NRG3: variants seen among roughly 807,000 people sequenced by gnomAD.
NRG3 encodes neuregulin 3.
In NRG3, 31 loss-of-function variants were observed where a neutral mutation model predicts 66.9. The ratio of observed to expected loss-of-function variants is 0.46; its 90% confidence interval spans 0.35 to 0.63. The LOEUF is 0.63. NRG3 is among the 20% of genes least tolerant of loss of function. The pLI is 0.00. For missense variants in NRG3, 910 were observed against 878.9 expected (o/e 1.04, Z -0.45); for synonymous variants, 393 against 359.4 (o/e 1.09, Z -1.06).
At chr10:82,372,322 A>AT (rs1425143880) in intron 2 of NRG3, among the ~76,000 whole-genome samples, 4 of 152,092 alleles carry the variant, frequency 2.6e-5, no homozygotes, top group Non-Finnish European at 5.9e-5. Context: ...TTTCTGGATT[A>AT]TTTTTTCTCT....
At chr10:82,310,057 T>C (rs1173422771) in intron 1 of NRG3, among the ~76,000 whole-genome samples, 1 of 152,152 alleles carries the variant, frequency 6.6e-6, no homozygotes, top group East Asian at 1.9e-4. Context: ...TCCTGGAAAA[T>C]TGCCGTCATT....
rs551227640 is a variant in NRG3 at position 82,733,387 on chromosome 10, T to G, written c.954-5190T>G. ...CCTTCCTAATACCATCTCATTTTTT[T>G]GGGGGGTTGAAACTGAGAAACAAAG... On this transcript the variant is annotated intron_variant, in intron 2 of 8. Transcript: ENST00000372141. Among the ~76,000 whole-genome samples the G allele has an allele frequency of 2.9e-3, 444 of 152,290 alleles. 1 individual carries two copies. The highest frequency in any genetic ancestry group is 7.2e-3 in the African/African-American group (300 of 41,558).
At chr10:82,642,189 A>G (rs2050628243) in intron 2 of NRG3, among the ~76,000 whole-genome samples, 2 of 152,106 alleles carry the variant, frequency 1.3e-5, no homozygotes, top group African/African-American at 2.4e-5. Context: ...ATCTATTTGC[A>G]TGGCTTCATG....
intron 1 of NRG3, among the ~76,000 whole-genome samples, chr10:81,926,212 G>C (rs978932011): frequency 6.6e-6 from 1 of 152,020 alleles, no homozygotes; most frequent in Non-Finnish European, 1.5e-5. Flanking sequence ...CTGCCTCCTG[G>C]GTTCAAGTGA....
At chr10:82,301,838 G>A (rs1438313049) in intron 1 of NRG3, among the ~76,000 whole-genome samples, 2 of 151,622 alleles carry the variant, frequency 1.3e-5, no homozygotes, top group African/African-American at 4.8e-5. Flanking sequence ...TTGGCCTGCT[G>A]TATTGTTGCC....
chr10:82,173,479 C>T (rs2072785976), intron 1 of NRG3, among the ~76,000 whole-genome samples: 1 of 152,020 alleles, frequency 6.6e-6, no homozygotes, highest in Non-Finnish European at 1.5e-5. Flanking sequence ...CATGCATACA[C>T]ACCTATTAAA....
intron 4 of NRG3, among the ~76,000 whole-genome samples, chr10:82,918,182 A>G (rs575185845): frequency 6.6e-5 from 10 of 152,114 alleles, no homozygotes; most frequent in African/African-American, 2.2e-4. Context: ...ACTTGGCAAG[A>G]TTACACACTC....
chr10:82,947,342 A>T (rs922066371), intron 4 of NRG3, among the ~76,000 whole-genome samples: 1 of 152,224 alleles, frequency 6.6e-6, no homozygotes, highest in East Asian at 1.9e-4. Context: ...TAATAATTTG[A>T]TTATCCATTT....
intron 2 of NRG3, among the ~76,000 whole-genome samples, chr10:82,397,750 T>C (rs7917513): frequency 0.2 from 31,140 of 152,144 alleles, 4,452 homozygotes; most frequent in African/African-American, 0.4. Context: ...AATATTTTTC[T>C]TTTTAAGATA....
At chr10:82,835,301 A>G (rs1044592803) in intron 3 of NRG3, among the ~76,000 whole-genome samples, 6 of 152,164 alleles carry the variant, frequency 3.9e-5, no homozygotes, top group African/African-American at 1.4e-4. Context: ...ATTTCATATA[A>G]CTGGGTTGTG....
chr10:82,790,895 C>G (rs945069232), intron 3 of NRG3, among the ~76,000 whole-genome samples: 1 of 151,558 alleles, frequency 6.6e-6, no homozygotes, highest in Non-Finnish European at 1.5e-5. Flanking sequence ...AATTATTGCC[C>G]ATTTCAATGA....
At chr10:82,955,925 A>G (rs1038815846) in intron 5 of NRG3, among the ~76,000 whole-genome samples, 2 of 151,896 alleles carry the variant, frequency 1.3e-5, no homozygotes, top group South Asian at 2.1e-4. Flanking sequence ...CCCCAACTTC[A>G]GGTGCAAGAC....
In NRG3 at chr10:82,879,958, CTTTTTT is replaced by C. The variant is rs35159008; in HGVS notation, c.1054+14539_1054+14544del. Among the ~76,000 whole-genome samples, 549 of 78,448 alleles carry C rather than the reference CTTTTTT, an allele frequency of 7.0e-3. 4 individuals are homozygous for C. The highest frequency in any genetic ancestry group is 0.021 in the African/African-American group (379 of 18,464). 51.5% of individuals were successfully genotyped at this position (78,448 alleles called of 152,430 possible). ...CACTCTTCTAAGAAGGATTTCATCC[CTTTTTT>C]TTTTTTTTTTTTTTTTTGCATGAGA... On this transcript the variant is annotated intron_variant, in intron 4 of 8. Transcript: ENST00000372141.
intron 2 of NRG3, among the ~76,000 whole-genome samples, chr10:82,536,130 A>G (rs1847792219): frequency 6.6e-6 from 1 of 152,010 alleles, no homozygotes; most frequent in Non-Finnish European, 1.5e-5. Flanking sequence ...AATCAGTTAC[A>G]CTCTAATAAT....
chr10:82,035,110 A>G (rs2062740722), intron 1 of NRG3, among the ~76,000 whole-genome samples: 1 of 152,054 alleles, frequency 6.6e-6, no homozygotes, highest in South Asian at 2.1e-4. Context: ...AGCAGCTTGC[A>G]CATATGCTTC....
intron 3 of NRG3, 72 bp downstream of exon 3, chr10:82,738,722 T>C (rs1237744027): frequency 1.8e-5 from 23 of 1,290,054 alleles, no homozygotes; most frequent in Non-Finnish European, 2.6e-5. Flanking sequence ...GGTTGTTAAC[T>C]CAGCTGAAAG....
intron 1 of NRG3, among the ~76,000 whole-genome samples, chr10:82,215,475 A>G (rs907238202): frequency 1.3e-5 from 2 of 152,218 alleles, no homozygotes; most frequent in Non-Finnish European, 2.9e-5. Context: ...GAAATGATCA[A>G]TGCTACAAGT....
intron 1 of NRG3, among the ~76,000 whole-genome samples, chr10:82,180,116 ATTAG>A (rs2073312329): frequency 6.6e-6 from 1 of 151,700 alleles, no homozygotes; most frequent in African/African-American, 2.4e-5. Context: ...GAATTTATTT[ATTAG>A]TTCTGACAGG....
chr10:82,661,928 G>A (rs1237793063), intron 2 of NRG3, among the ~76,000 whole-genome samples: 3 of 152,136 alleles, frequency 2.0e-5, no homozygotes, highest in East Asian at 1.9e-4. Flanking sequence ...ATCTACAGAC[G>A]CCTCATCAGT....
Sources: gnomAD v4.1 joint callset for allele counts (sites outside exome capture counted in the v4.1 genomes callset) on GRCh38, gnomAD v4.1.1 for gene constraint, MANE v1.5 for transcripts, NCBI Gene and HGNC (gene_info 2026-07-23, HGNC 2026-07-21) for gene names.